OXR1: variants seen among roughly 807,000 people sequenced by gnomAD.
OXR1 encodes the protein oxidation resistance 1, also known as oxidation resistance protein 1.
Under a neutral mutation model 104.6 loss-of-function variants are expected in OXR1, and 41 were observed. The ratio of observed to expected loss-of-function variants is 0.39; its 90% CI spans 0.31 to 0.51. The LOEUF is 0.51. Among genes scored for constraint, OXR1 ranks in the 20% least tolerant of loss-of-function variants. OXR1 has a pLI of 0.77. For synonymous variants in OXR1, 348 were observed against 348.4 expected (o/e 1.00, Z 0.01); for missense variants, 955 against 1,031.9 (o/e 0.93, Z 1.02).
At chr8:106,312,258 A>T (rs1393970) in intron 1 of OXR1, among the ~76,000 whole-genome samples, 13,435 of 152,260 alleles carry the variant, frequency 0.088, 693 homozygotes, top group African/African-American at 0.13. Flanking sequence ...GTACATTAAG[A>T]TAAACAGCCA....
intron 3 of OXR1, among the ~76,000 whole-genome samples, chr8:106,636,120 G>T (rs1169045813): frequency 6.6e-6 from 1 of 152,126 alleles, no homozygotes; most frequent in Non-Finnish European, 1.5e-5. Context: ...GGAATGCTGA[G>T]CTACCTACTT....
intron 1 of OXR1, among the ~76,000 whole-genome samples, chr8:106,344,159 GGGGTT>G (rs1815377616): frequency 6.6e-6 from 1 of 152,162 alleles, no homozygotes; most frequent in Non-Finnish European, 1.5e-5. Flanking sequence ...CAAAATGGGT[GGGGTT>G]CCCTGGTTTT....
chr8:106,679,101 C>A, intron 3 of OXR1, 109 bp from the exon 4 acceptor site: 7 of 575,248 alleles, frequency 1.2e-5, no homozygotes. Context: ...AGGGAGTAAG[C>A]TGTATTACTA....
At chr8:106,445,429 G>C (rs1341973593) in intron 2 of OXR1, among the ~76,000 whole-genome samples, 2 of 152,142 alleles carry the variant, frequency 1.3e-5, no homozygotes, top group African/African-American at 4.8e-5. Flanking sequence ...TATACTGTCT[G>C]GTGCCTGCAG....
intron 3 of OXR1, among the ~76,000 whole-genome samples, chr8:106,569,998 T>G (rs1817359711): frequency 6.6e-6 from 1 of 152,196 alleles, no homozygotes; most frequent in South Asian, 2.1e-4. Context: ...TGCCCTTACA[T>G]AATTTTCACA....
intron 11 of OXR1, among the ~76,000 whole-genome samples, chr8:106,720,005 A>T (rs1832688042): frequency 6.6e-6 from 1 of 152,084 alleles, no homozygotes; most frequent in African/African-American, 2.4e-5. Context: ...ACGGAGTTTC[A>T]TCGTGTTAGC....
At chr8:106,442,566 G>C (rs1212502262) in intron 2 of OXR1, among the ~76,000 whole-genome samples, 1 of 151,954 alleles carries the variant, frequency 6.6e-6, no homozygotes, top group Non-Finnish European at 1.5e-5. Context: ...TTCGTTGGTA[G>C]GCTATTAATT....
chr8:106,393,129 T>C (rs1817646496), intron 2 of OXR1, among the ~76,000 whole-genome samples: 1 of 152,186 alleles, frequency 6.6e-6, no homozygotes, highest in South Asian at 2.1e-4. Context: ...TTACCTGTAA[T>C]CTTTTCATTG....
At position 106,692,819 on chromosome 8, in the gene OXR1, A is replaced by C; in HGVS notation, c.617A>C (p.Glu206Ala). The C allele has an allele frequency of 6.2e-7, 1 of 1,606,064 alleles. No individual in the cohort carries two copies. The highest frequency in any genetic ancestry group is 2.2e-5 in the East Asian group (1 of 44,688). The change falls in exon 7 of 17, where the codon GAG becomes GCG. Residue 206 changes from glutamate to alanine, a missense_variant. Around this residue, in one of 2 missense-constraint regions of OXR1, gnomAD observed 849 missense variants for 852.9 expected, o/e 1.00. Transcript: ENST00000517566. The part of the protein sequence containing the change: ...ARVVSSTSEE[E>A]EAFTEKFLKI... ...GTTGTATCTTCAACTTCTGAGGAGG[A>C]GGAAGCATTTACTGAGAAATTTCTT...
intron 3 of OXR1, among the ~76,000 whole-genome samples, chr8:106,662,947 C>T (rs1825916637): frequency 1.3e-5 from 2 of 151,986 alleles, no homozygotes; most frequent in Admixed American, 1.3e-4. Flanking sequence ...AAATCTGAAA[C>T]TTTTTGAGGG....
At chr8:106,312,733 T>G (rs977999487) in intron 1 of OXR1, among the ~76,000 whole-genome samples, 1 of 152,208 alleles carries the variant, frequency 6.6e-6, no homozygotes, top group African/African-American at 2.4e-5. Context: ...TTGAAAGCCA[T>G]TTATAAAGCT....
intron 2 of OXR1, among the ~76,000 whole-genome samples, chr8:106,405,180 A>AG (rs1818177986): frequency 0.015 from 368 of 24,400 alleles, no homozygotes; most frequent in South Asian, 0.048. Context: ...ATATATATAT[A>AG]TATATATATA....
intron 2 of OXR1, chr8:106,447,850 T>A: frequency 3.5e-6 from 5 of 1,422,818 alleles, no homozygotes; most frequent in Non-Finnish European, 4.6e-6. Flanking sequence ...GGTCTCTTTT[T>A]GCCTTAGATG....
chr8:106,591,619 C>T, intron 3 of OXR1, among the ~76,000 whole-genome samples: 1 of 152,194 alleles, frequency 6.6e-6, no homozygotes, highest in East Asian at 1.9e-4. Context: ...TTCCAACATT[C>T]CAAAGGTCAC....
intron 2 of OXR1, among the ~76,000 whole-genome samples, chr8:106,444,896 C>A (rs572496164): frequency 6.6e-6 from 1 of 151,922 alleles, no homozygotes; most frequent in African/African-American, 2.4e-5. Flanking sequence ...CACATACCCC[C>A]CATATATATA....
chr8:106,726,337 G>A (rs1188861991), intron 11 of OXR1: 3 of 1,164,918 alleles, frequency 2.6e-6, no homozygotes, highest in East Asian at 2.6e-5. Flanking sequence ...ATTTTAATTT[G>A]TATATATACT....
intron 2 of OXR1, among the ~76,000 whole-genome samples, chr8:106,452,481 A>G (rs575028083): frequency 9.8e-5 from 15 of 152,308 alleles, no homozygotes; most frequent in Admixed American, 6.5e-4. Context: ...ATATCTTGTT[A>G]TCTTTACCAA....
chr8:106,699,719 C>T lies in OXR1; in HGVS notation c.676-3187C>T, dbSNP rs192049177. The stretch of plus-strand genomic sequence containing the variant: ...GATCTGCAGCCTAGTGTTTTTGGAA[C>T]GTAATCCCTTGTTATAGGCTGGCTC... On this transcript the variant is annotated intron_variant, in intron 7 of 16. Coordinates refer to ENST00000517566, the MANE Select transcript of OXR1 (RefSeq NM_001198533.2). Among the ~76,000 whole-genome samples the T allele has an allele frequency of 1.7e-3, 255 of 152,286 alleles. 3 individuals are homozygous for T. Among genetic ancestry groups the T allele is most frequent in the Admixed American group, 8.2e-3 (125 of 15,296 alleles).
chr8:106,630,677 G>A (rs1317024905), intron 3 of OXR1, among the ~76,000 whole-genome samples: 1 of 152,120 alleles, frequency 6.6e-6, no homozygotes, highest in Non-Finnish European at 1.5e-5. Flanking sequence ...GAAGGTACAA[G>A]GAAGAATATT....
Sources: allele counts gnomAD v4.1 joint callset (sites outside exome capture counted in the v4.1 genomes callset), GRCh38; gene constraint gnomAD v4.1.1; regional missense constraint gnomAD v4.1.1; transcripts MANE v1.5; gene names NCBI Gene and HGNC (gene_info 2026-07-23, HGNC 2026-07-21).